Variants in FAF1 observed in about 807,000 individuals in gnomAD.
FAF1 encodes FAS-associated factor 1.
Under a neutral mutation model 92.5 loss-of-function variants are expected in FAF1, and 25 were observed. The ratio of observed to expected loss-of-function variants is 0.27; its 90% CI spans 0.20 to 0.38. The LOEUF (loss-of-function observed/expected upper bound fraction) is 0.38, where lower values mean the gene tolerates loss of function less well. Ranked by LOEUF, FAF1 falls within the 10% of genes least tolerant of loss-of-function variation. FAF1 has a pLI of 1.00. For synonymous variants in FAF1, 234 were observed against 273.2 expected, an observed-to-expected ratio of 0.86 and a Z score of 1.42; for missense variants, 636 against 793.3, an observed-to-expected ratio of 0.80 and a Z score of 2.38.
At chr1:50,687,777 C>T (rs1157327673) in intron 7 of FAF1, among the ~76,000 whole-genome samples, 1 of 151,368 alleles carries the variant, frequency 6.6e-6, no homozygotes, top group Non-Finnish European at 1.5e-5. Flanking sequence ...CTCAAAATCA[C>T]TAGCCATTAC....
intron 12 of FAF1, among the ~76,000 whole-genome samples, chr1:50,571,419 G>A (rs1434628723): frequency 6.6e-6 from 1 of 152,196 alleles, no homozygotes; most frequent in African/African-American, 2.4e-5. Flanking sequence ...GTTGTTGTAA[G>A]CATCGCAGAT....
intron 2 of FAF1, among the ~76,000 whole-genome samples, chr1:50,851,488 ATTTAG>A (rs879624940): frequency 9.9e-5 from 15 of 152,172 alleles, no homozygotes; most frequent in Non-Finnish European, 1.5e-4. Flanking sequence ...TCCCTATTTC[ATTTAG>A]TTTATTTTCT....
At chr1:50,729,792 G>A (rs1381197860) in intron 6 of FAF1, among the ~76,000 whole-genome samples, 1 of 151,972 alleles carries the variant, frequency 6.6e-6, no homozygotes, top group African/African-American at 2.4e-5. Context: ...GGAGGCTGAG[G>A]CAGGTGGATC....
chr1:50,536,373 C>T (rs1386749260), intron 14 of FAF1, among the ~76,000 whole-genome samples: 1 of 152,184 alleles, frequency 6.6e-6, no homozygotes, highest in African/African-American at 2.4e-5. Context: ...CTCAAACCTA[C>T]AGGCAGAAAG....
At chr1:50,685,513 C>T (rs1010453934) in intron 7 of FAF1, among the ~76,000 whole-genome samples, 2 of 152,288 alleles carry the variant, frequency 1.3e-5, no homozygotes, top group South Asian at 2.1e-4. Flanking sequence ...AAAGCAATGA[C>T]CTTACTGTGA....
At chr1:50,441,766 T>C (rs4381241) in intron 18 of FAF1, among the ~76,000 whole-genome samples, 76,002 of 151,826 alleles carry the variant, frequency 0.5, 20,620 homozygotes, top group African/African-American at 0.68. Context: ...GGTACCTTTC[T>C]TGCACAGCTC....
chr1:50,512,337 T>C (rs1647146957), intron 15 of FAF1, among the ~76,000 whole-genome samples: 1 of 152,230 alleles, frequency 6.6e-6, no homozygotes, highest in Non-Finnish European at 1.5e-5. Flanking sequence ...TGAATGGTAT[T>C]GCCTAGGTTT....
At chr1:50,905,780 C>T (rs1178388815) in intron 1 of FAF1, among the ~76,000 whole-genome samples, 1 of 152,010 alleles carries the variant, frequency 6.6e-6, no homozygotes, top group Non-Finnish European at 1.5e-5. Flanking sequence ...GGATATTAGC[C>T]CTTTGTCAGA....
chr1:50,699,269 C>G (rs1263754132), intron 7 of FAF1, among the ~76,000 whole-genome samples: 1 of 152,056 alleles, frequency 6.6e-6, no homozygotes, highest in East Asian at 1.9e-4. Flanking sequence ...ATTTCACAGT[C>G]TTAGTATTCC....
chr1:50,913,364 C>T (rs1202326680), intron 1 of FAF1, among the ~76,000 whole-genome samples: 1 of 152,166 alleles, frequency 6.6e-6, no homozygotes, highest in East Asian at 1.9e-4. Flanking sequence ...AGAAGGTACA[C>T]CAATAAGAAA....
chr1:50,887,974 G>A (rs900123749), intron 1 of FAF1, among the ~76,000 whole-genome samples: 1 of 152,166 alleles, frequency 6.6e-6, no homozygotes, highest in Admixed American at 6.5e-5. Context: ...TGGGCAGTAT[G>A]GCCATTTTCA....
intron 7 of FAF1, among the ~76,000 whole-genome samples, chr1:50,689,993 C>CTTTTTTTTTTT (rs1159221059): frequency 4.1e-5 from 5 of 122,338 alleles, no homozygotes; most frequent in Admixed American, 1.7e-4. Context: ...CATTATATTT[C>CTTTTTTTTTTT]TTTTTTTTTT....
At chr1:50,554,390 T>TATATATATATATATATAGAGAGAG in intron 13 of FAF1, among the ~76,000 whole-genome samples, 4 of 93,700 alleles carry the variant, frequency 4.3e-5, no homozygotes, top group African/African-American at 9.5e-5. Flanking sequence ...TATATATATA[T>TATATATATATATATATAGAGAGAG]AGAGAGAGAG....
rs770880683 is a variant in FAF1, at chr1:50,535,498, T to C, written c.1406-41A>G. 1.9e-5 allele frequency: 21 copies of C among 1,113,796 alleles called. No individual in the cohort carries two copies. In the Admixed American group the frequency reaches 2.2e-4, roughly 11 times the overall value. 69.0% of individuals were successfully genotyped at this position (1,113,796 alleles called of 1,614,324 possible). ...GATTGCCAAACTTTTATAATCATTT[T>C]ATATATAACTTCAAATTATTAAAGT... is the stretch of plus-strand genomic sequence containing the variant. On this transcript the variant is annotated intron_variant, in intron 14 of 18. Transcript: ENST00000396153.
chr1:50,895,520 T>C (rs1430943943), intron 1 of FAF1, among the ~76,000 whole-genome samples: 2 of 152,152 alleles, frequency 1.3e-5, no homozygotes, highest in African/African-American at 4.8e-5. Flanking sequence ...ACTCATTCTA[T>C]GAGGCCAGTG....
intron 12 of FAF1, among the ~76,000 whole-genome samples, chr1:50,569,670 T>G (rs1488231796): frequency 6.6e-6 from 1 of 152,140 alleles, no homozygotes; most frequent in Admixed American, 6.6e-5. Context: ...AACTAAACAA[T>G]GGCAATGGCT....
At chr1:50,513,335 T>C (rs1397095365) in intron 15 of FAF1, among the ~76,000 whole-genome samples, 4 of 152,022 alleles carry the variant, frequency 2.6e-5, no homozygotes, top group African/African-American at 9.7e-5. Context: ...AATACAAAAA[T>C]TAACCGGGCA....
At chr1:50,609,033 G>A (rs1270184468) in intron 8 of FAF1, among the ~76,000 whole-genome samples, 1 of 152,226 alleles carries the variant, frequency 6.6e-6, no homozygotes, top group Admixed American at 6.5e-5. Context: ...CAGACAGACA[G>A]TACTATAAGT....
intron 7 of FAF1, among the ~76,000 whole-genome samples, chr1:50,689,993 CTTTTT>C: frequency 8.2e-6 from 1 of 122,332 alleles, no homozygotes; most frequent in Non-Finnish European, 1.7e-5. Context: ...CATTATATTT[CTTTTT>C]TTTTTTTTTT....
Sources: gnomAD v4.1 joint callset for allele counts (sites outside exome capture counted in the v4.1 genomes callset) on GRCh38, gnomAD v4.1.1 for gene constraint, MANE v1.5 for transcripts, NCBI Gene and HGNC (gene_info 2026-07-23, HGNC 2026-07-21) for gene names.